Variants in KCNG3 observed in about 807,000 individuals in gnomAD.
The protein encoded by KCNG3 is potassium voltage-gated channel modifier subfamily G member 3.
Under a neutral mutation model 29.0 loss-of-function variants are expected in KCNG3, and 15 were observed. The observed-to-expected ratio is 0.52, with a 90% CI of 0.35 to 0.80. KCNG3 has a LOEUF of 0.80. KCNG3 is among the 30% of genes least tolerant of loss of function. The probability of loss-of-function intolerance (pLI) is 0.01; values close to 1 mark genes in which losing one functional copy is unlikely to be tolerated. For missense variants in KCNG3, 512 were observed against 605.7 expected (o/e 0.85, Z 1.62); for synonymous variants, 322 against 248.9 (o/e 1.29, Z -2.76).
chr2:42,449,791 G>A (rs975893327), intron 1 of KCNG3, among the ~76,000 whole-genome samples: 1 of 152,172 alleles, frequency 6.6e-6, no homozygotes, highest in African/African-American at 2.4e-5. Flanking sequence ...TAGTAAACTG[G>A]TAAATATGGT....
the KCNG3 span, among the ~76,000 whole-genome samples, chr2:42,425,384 G>A: frequency 5.2e-5 from 7 of 134,376 alleles, no homozygotes; most frequent in Non-Finnish European, 7.7e-5. Context: ...GGGCGACAGA[G>A]CAAGACTCCG....
At chr2:42,399,654 G>A in the KCNG3 span, among the ~76,000 whole-genome samples, 1 of 152,136 alleles carries the variant, frequency 6.6e-6, no homozygotes, top group Admixed American at 6.6e-5. Context: ...ATAATTAAAG[G>A]GTAAGAGTGT....
the KCNG3 span, among the ~76,000 whole-genome samples, chr2:42,414,935 T>C: frequency 0.013 from 1,918 of 152,334 alleles, 38 homozygotes; most frequent in African/African-American, 0.043. Context: ...ATCTGTTATA[T>C]CTTTAAGCAT....
downstream of KCNG3, among the ~76,000 whole-genome samples, chr2:42,441,811 T>TAC (rs1486799082): frequency 2.0e-5 from 3 of 151,216 alleles, no homozygotes; most frequent in East Asian, 5.8e-4. Flanking sequence ...TGTATATATA[T>TAC]ACCTATAGGT....
chr2:42,437,779 A>T (rs1672399686), downstream of KCNG3, among the ~76,000 whole-genome samples: 1 of 151,944 alleles, frequency 6.6e-6, no homozygotes, highest in Non-Finnish European at 1.5e-5. Flanking sequence ...CTCTACTAAA[A>T]ATACAGAAAT....
intron 1 of KCNG3, among the ~76,000 whole-genome samples, chr2:42,449,689 G>A (rs1672700968): frequency 6.6e-6 from 1 of 151,752 alleles, no homozygotes; most frequent in Non-Finnish European, 1.5e-5. Flanking sequence ...GGCCTCAAGT[G>A]ATCCACCCGC....
chr2:42,493,465 G>A lies in KCNG3; in HGVS notation c.37C>T (p.Leu13=). 6.9e-7 allele frequency: 1 copy of A among 1,449,896 alleles called. No individual in the cohort carries two copies. 89.8% of individuals were successfully genotyped at this position (1,449,896 alleles called of 1,614,324 possible). The change falls in exon 1 of 2, where the codon CTG becomes TTG. Residue 13 remains leucine (L), a synonymous_variant. Transcript: ENST00000306078. ...FGRSGAASVV[L]NVGGARYSLS... ...GAATACCGGGCGCCGCCCACGTTCA[G>A]CACCACCGAGGCCGCCCCGCTGCGC...
the KCNG3 span, among the ~76,000 whole-genome samples, chr2:42,415,795 G>A: frequency 2.0e-5 from 3 of 152,108 alleles, no homozygotes; most frequent in African/African-American, 7.2e-5. Context: ...CAGCAACATG[G>A]ATAAACCTGA....
At chr2:42,441,715 TAC>T (rs765932897), downstream of KCNG3, among the ~76,000 whole-genome samples, 62 of 9,646 alleles carry the variant, frequency 6.4e-3, no homozygotes, top group African/African-American at 0.011. Flanking sequence ...TATATATATA[TAC>T]ACACACACAT....
chr2:42,469,549 G>C (rs1225377466), intron 1 of KCNG3, among the ~76,000 whole-genome samples: 6 of 152,026 alleles, frequency 3.9e-5, no homozygotes, highest in African/African-American at 1.2e-4. Flanking sequence ...GCTAAGGAAA[G>C]TGTTATCCAC....
chr2:42,420,201 G>A, the KCNG3 span, among the ~76,000 whole-genome samples: 2 of 152,190 alleles, frequency 1.3e-5, no homozygotes, highest in Middle Eastern at 3.4e-3. Context: ...TCCAGTCTGG[G>A]TGACGAGTGA....
At chr2:42,424,882 T>G in the KCNG3 span, 3 of 152,158 alleles carry the variant, frequency 2.0e-5, no homozygotes, top group African/African-American at 7.2e-5. Context: ...CAGAGGGAAA[T>G]GCAGGACCCC....
chr2:42,410,218 A>G, the KCNG3 span, among the ~76,000 whole-genome samples: 1 of 152,180 alleles, frequency 6.6e-6, no homozygotes, highest in Admixed American at 6.5e-5. Context: ...TTTGGGGGCA[A>G]TCGGATTATT....
the KCNG3 span, chr2:42,415,614 G>A: frequency 6.6e-6 from 1 of 152,206 alleles, no homozygotes; most frequent in African/African-American, 2.4e-5. Context: ...TTAAGACTTG[G>A]AAGTTGTTAG....
At chr2:42,452,795 G>GTGTT (rs1491078281) in intron 1 of KCNG3, among the ~76,000 whole-genome samples, 1 of 149,222 alleles carries the variant, frequency 6.7e-6, no homozygotes, top group East Asian at 1.9e-4. Flanking sequence ...GTGTGTGTGT[G>GTGTT]TTTTGAGATG....
intron 1 of KCNG3, among the ~76,000 whole-genome samples, chr2:42,487,265 T>C (rs970071639): frequency 6.6e-6 from 1 of 151,886 alleles, no homozygotes; most frequent in Non-Finnish European, 1.5e-5. Flanking sequence ...ATTGTAGTTG[T>C]CTTTTAATGG....
the KCNG3 span, among the ~76,000 whole-genome samples, chr2:42,433,463 G>A: frequency 6.6e-6 from 1 of 152,308 alleles, no homozygotes; most frequent in African/African-American, 2.4e-5. Context: ...GAAGGGCCAG[G>A]GGTGGTGGCT....
At position 42,443,072 on chromosome 2, in the gene KCNG3, A is replaced by G. The variant is rs758288059; in HGVS notation, c.*862T>C. On this transcript the variant is annotated 3_prime_UTR_variant, in exon 2 of 2. Transcript: ENST00000306078. ...TTTGGGGGAGGAGGTTAAGAGAAGA[A>G]GAGGTTGTAATATTGAGTCATCTCA... 7 of 152,192 alleles carry G rather than the reference A, an allele frequency of 4.6e-5. No individual in the cohort carries two copies. The highest frequency in any genetic ancestry group is 7.4e-5 in the Non-Finnish European group (5 of 68,004). 9.4% of individuals were successfully genotyped at this position (152,192 alleles called of 1,614,324 possible).
the KCNG3 span, among the ~76,000 whole-genome samples, chr2:42,408,296 G>A: frequency 6.6e-6 from 1 of 152,208 alleles, no homozygotes; most frequent in Non-Finnish European, 1.5e-5. Flanking sequence ...CTGAAGGCTA[G>A]GGGCTGGGCT....
Sources: gnomAD v4.1 joint callset for allele counts (sites outside exome capture counted in the v4.1 genomes callset) on GRCh38, gnomAD v4.1.1 for gene constraint, MANE v1.5 for transcripts, NCBI Gene and HGNC (gene_info 2026-07-23, HGNC 2026-07-21) for gene names.